Variants in DIAPH2 observed in about 807,000 individuals in gnomAD.
The protein encoded by DIAPH2 is diaphanous related formin 2.
In DIAPH2, 35 loss-of-function variants were observed where a neutral mutation model predicts 92.7. The observed-to-expected ratio is 0.38, with a 90% CI of 0.29 to 0.50. The LOEUF (loss-of-function observed/expected upper bound fraction) is 0.50. DIAPH2 is among the 20% of genes least tolerant of loss of function. DIAPH2 has a pLI of 0.94. For synonymous variants in DIAPH2, 301 were observed against 280.4 expected, an observed-to-expected ratio of 1.07 and a Z score of -0.73; for missense variants, 701 against 819.5, an observed-to-expected ratio of 0.86 and a Z score of 1.77.
intron 21 of DIAPH2, among the ~76,000 whole-genome samples, chrX:97,117,807 C>A (rs1227704073): frequency 8.9e-6 from 1 of 111,810 alleles, no homozygotes; most frequent in East Asian, 2.8e-4. Flanking sequence ...TGTTAATTTG[C>A]AGCAGTGAAT....
intron 26 of DIAPH2, among the ~76,000 whole-genome samples, chrX:97,538,126 T>C (rs749800174): frequency 2.3e-4 from 25 of 110,523 alleles, no homozygotes; most frequent in Admixed American, 4.8e-4. Flanking sequence ...CCTCGTGATC[T>C]GCCCGCCTCG....
chrX:96,949,173 A>C lies in DIAPH2; in HGVS notation c.1614+134A>C. On this transcript the variant is annotated intron_variant, in intron 15 of 26. Transcript: ENST00000324765. ...GTTTTACATTTTCATTGAAATAACTATACAGATTTTATATTCCAGGGCAAT... is the reference window on the plus strand; with the variant it reads ...GTTTTACATTTTCATTGAAATAACTCTACAGATTTTATATTCCAGGGCAAT... 4 of 372,135 alleles carry C rather than the reference A, an allele frequency of 1.1e-5. No individual in the cohort carries two copies. In the South Asian group the frequency reaches 2.4e-4, roughly 22 times the overall value. 30.7% of individuals were successfully genotyped at this position (372,135 alleles called of 1,213,427 possible). A position where few individuals can be genotyped will look rare whatever the true frequency, so the allele number is the denominator to read the frequency against.
intron 22 of DIAPH2, among the ~76,000 whole-genome samples, chrX:97,161,051 G>GC (rs1555992862): frequency 1.1e-5 from 1 of 88,947 alleles, no homozygotes; most frequent in Non-Finnish European, 2.2e-5. Flanking sequence ...TTGTTTTTTT[G>GC]TTTTTTTTTT....
At chrX:96,828,940 G>GA (rs1389471120) in intron 4 of DIAPH2, among the ~76,000 whole-genome samples, 7 of 109,134 alleles carry the variant, frequency 6.4e-5, no homozygotes, top group Admixed American at 9.7e-5. Flanking sequence ...ACTGACAGAA[G>GA]AAAAAAAAAC....
intron 1 of DIAPH2, among the ~76,000 whole-genome samples, chrX:96,720,893 A>G (rs1471360855): frequency 4.5e-5 from 5 of 111,664 alleles, no homozygotes; most frequent in Non-Finnish European, 9.4e-5. Flanking sequence ...AAAACATATG[A>G]GATGTAGAGA....
At chrX:97,540,070 A>G (rs2071127947) in intron 26 of DIAPH2, among the ~76,000 whole-genome samples, 1 of 111,936 alleles carries the variant, frequency 8.9e-6, no homozygotes, top group African/African-American at 3.2e-5. Context: ...GCCCATGATT[A>G]TCCATCTGCT....
At chrX:97,182,355 G>A (rs956641817) in intron 22 of DIAPH2, among the ~76,000 whole-genome samples, 5 of 111,857 alleles carry the variant, frequency 4.5e-5, no homozygotes, top group Non-Finnish European at 9.4e-5. Flanking sequence ...AGAAGTTTGA[G>A]ACTATATCAT....
chrX:97,525,258 G>A (rs377198143), intron 26 of DIAPH2, among the ~76,000 whole-genome samples: 37 of 111,917 alleles, frequency 3.3e-4, no homozygotes, highest in East Asian at 2.5e-3. Flanking sequence ...CTTCTAAATG[G>A]CATTCCAGCT....
At position 96,889,191 on chromosome X, in the gene DIAPH2, C is replaced by T. The variant is rs184170057; in HGVS notation, c.587+7473C>T. Among the ~76,000 whole-genome samples, 876 of 111,363 alleles carry T rather than the reference C, an allele frequency of 7.9e-3. 5 individuals carry two copies. The highest frequency in any genetic ancestry group is 0.014 in the Non-Finnish European group (720 of 53,028). On this transcript the variant is annotated intron_variant, in intron 5 of 26. Transcript: ENST00000324765. ...TAACTTGGGAGTTTTTTTATGATATCGTAATACCATTTGGGCCTATATTTT... is the reference window on the plus strand; with the variant it reads ...TAACTTGGGAGTTTTTTTATGATATTGTAATACCATTTGGGCCTATATTTT...
chrX:97,058,143 C>T (rs1478223163), intron 17 of DIAPH2, among the ~76,000 whole-genome samples: 2 of 111,478 alleles, frequency 1.8e-5, no homozygotes, highest in African/African-American at 6.5e-5. Flanking sequence ...ATCTCTTTTG[C>T]ACAGTTCCTA....
chrX:97,141,373 TAAATG>T lies in DIAPH2; in HGVS notation c.2590-291_2590-287del, dbSNP rs779981149. Among the ~76,000 whole-genome samples the T allele has an allele frequency of 1.5e-4, 17 of 111,675 alleles. No individual in the cohort carries two copies. The South Asian group carries it at 6.3e-3, about 41-fold the overall frequency. On this transcript the variant is annotated intron_variant, in intron 21 of 26. Transcript: ENST00000324765. Reference sequence around the variant, plus strand: ...AGTAACTTGGGCTATTATCAATACTTAAATGGATGTTCTTCTCTCATGAAAAGAAT... The same window carrying T: ...AGTAACTTGGGCTATTATCAATACTTGATGTTCTTCTCTCATGAAAAGAAT...
At position 97,102,939 on chromosome X, in the gene DIAPH2, C is replaced by CA. The variant is rs925279445; in HGVS notation, c.2349+3153dup. On this transcript the variant is annotated intron_variant, in intron 20 of 26. Transcript: ENST00000324765. ...TGGGCCACAGAGCAAGACTCCGCCTCAAAAAAAAAGAAGGATGAGGAAACT... is the reference window on the plus strand; with the variant it reads ...TGGGCCACAGAGCAAGACTCCGCCTCAAAAAAAAAAGAAGGATGAGGAAACT... Among the ~76,000 whole-genome samples the CA allele has an allele frequency of 9.2e-5, 10 of 108,390 alleles. No homozygotes were observed. In the East Asian group the frequency reaches 1.2e-3, roughly 13 times the overall value. 94.1% of individuals were successfully genotyped at this position (108,390 alleles called of 115,157 possible). A position where few individuals can be genotyped will look rare whatever the true frequency, so the allele number is the denominator to read the frequency against.
At chrX:97,173,937 A>C (rs2067472556) in intron 22 of DIAPH2, among the ~76,000 whole-genome samples, 1 of 107,635 alleles carries the variant, frequency 9.3e-6, no homozygotes, top group African/African-American at 3.4e-5. Context: ...AAAAGGAGTT[A>C]AATAGAATAG....
chrX:96,855,896 A>G (rs182085834), intron 4 of DIAPH2, among the ~76,000 whole-genome samples: 13 of 111,868 alleles, frequency 1.2e-4, no homozygotes, highest in Middle Eastern at 4.6e-3. Flanking sequence ...AAATAACAAT[A>G]TATGGCAGTT....
intron 17 of DIAPH2, among the ~76,000 whole-genome samples, chrX:97,055,009 T>TTTTATTTA (rs201638453): frequency 1.4e-3 from 157 of 110,200 alleles, no homozygotes; most frequent in African/African-American, 4.6e-3. Flanking sequence ...TTCTTTTTAA[T>TTTTATTTA]TTTATTTATT....
chrX:96,911,114 T>C (rs1402688119), intron 5 of DIAPH2, among the ~76,000 whole-genome samples: 1 of 111,536 alleles, frequency 9.0e-6, no homozygotes, highest in African/African-American at 3.3e-5. Context: ...GAAAGGTAGA[T>C]TGAGGCTACA....
At chrX:96,903,132 T>TG (rs1185381822) in intron 5 of DIAPH2, among the ~76,000 whole-genome samples, 291 of 9,182 alleles carry the variant, frequency 0.032, 9 homozygotes, top group Admixed American at 0.19. Context: ...CCTGTTACTG[T>TG]GAAAAAAAAA....
chrX:96,856,438 G>GC (rs766118471), intron 4 of DIAPH2, among the ~76,000 whole-genome samples: 3 of 92,915 alleles, frequency 3.2e-5, no homozygotes, highest in Admixed American at 1.2e-4. Flanking sequence ...AGAATTCAAG[G>GC]TTTTTTTTTT....
chrX:97,598,941 A>G (rs7054783), intron 26 of DIAPH2, among the ~76,000 whole-genome samples: 1 of 112,253 alleles, frequency 8.9e-6, no homozygotes. Context: ...TCAATTTAAC[A>G]TCTTTACCAA....
Sources: gnomAD v4.1 joint callset for allele counts (sites outside exome capture counted in the v4.1 genomes callset) on GRCh38, gnomAD v4.1.1 for gene constraint, MANE v1.5 for transcripts, NCBI Gene and HGNC (gene_info 2026-07-23, HGNC 2026-07-21) for gene names.